The following UBAC2 variants were observed in gnomAD, a reference collection of about 807,000 sequenced individuals.
UBAC2 encodes ubiquitin-associated domain-containing protein 2.
A neutral mutation model predicts 44.0 loss-of-function variants in UBAC2; 26 were observed. The ratio of observed to expected loss-of-function variants is 0.59; its 90% CI spans 0.43 to 0.82. The LOEUF is 0.82. UBAC2 is among the 40% of genes least tolerant of loss of function. The pLI, the probability that UBAC2 is intolerant of heterozygous loss-of-function variation, is 0.00. For missense variants in UBAC2, 329 were observed against 419.4 expected (o/e 0.78, Z 1.88); for synonymous variants, 155 against 154.3 (o/e 1.00, Z -0.04).
chr13:99,294,122 T>C (rs778964878), intron 4 of UBAC2, among the ~76,000 whole-genome samples: 27 of 152,166 alleles, frequency 1.8e-4, no homozygotes, highest in Non-Finnish European at 3.2e-4. Context: ...GGATCGTATT[T>C]AGCAAGCAGC....
intron 4 of UBAC2, among the ~76,000 whole-genome samples, chr13:99,306,967 T>G (rs958781115): frequency 1.8e-4 from 28 of 152,206 alleles, no homozygotes; most frequent in Admixed American, 3.3e-4. Context: ...CATAGGAATA[T>G]TCTATATTAA....
At chr13:99,330,871 A>G (rs1032161789) in intron 6 of UBAC2, among the ~76,000 whole-genome samples, 2 of 152,166 alleles carry the variant, frequency 1.3e-5, no homozygotes, top group African/African-American at 4.8e-5. Flanking sequence ...AAATAAGCCC[A>G]TATTTTTATT....
chr13:99,300,309 T>G (rs958555119), intron 4 of UBAC2, among the ~76,000 whole-genome samples: 2 of 152,240 alleles, frequency 1.3e-5, no homozygotes, highest in African/African-American at 2.4e-5. Context: ...GGAAATGATC[T>G]TAGGTAAAGG....
At chr13:99,238,395 C>T in intron 1 of UBAC2, 32 bp from the exon 2 acceptor site, 1 of 1,606,138 alleles carries the variant, frequency 6.2e-7, no homozygotes, top group East Asian at 2.2e-5. Flanking sequence ...TAGGAACAAT[C>T]ATTCTGAAAG....
At chr13:99,358,939 T>C (rs567918338) in intron 7 of UBAC2, among the ~76,000 whole-genome samples, 3 of 152,194 alleles carry the variant, frequency 2.0e-5, no homozygotes, top group African/African-American at 4.8e-5. Context: ...TGAGACACAG[T>C]GTTTGGGTTG....
intron 6 of UBAC2, among the ~76,000 whole-genome samples, chr13:99,336,778 C>A (rs2044794467): frequency 6.6e-6 from 1 of 152,164 alleles, no homozygotes; most frequent in South Asian, 2.1e-4. Flanking sequence ...TGTCTTTTAA[C>A]TCTTAATTGT....
intron 4 of UBAC2, among the ~76,000 whole-genome samples, chr13:99,249,346 C>G (rs1286215090): frequency 1.3e-5 from 2 of 152,152 alleles, no homozygotes; most frequent in South Asian, 2.1e-4. Flanking sequence ...CCAGCTGCAT[C>G]CATGTTCCTG....
chr13:99,214,678 T>C (rs143499844), intron 1 of UBAC2, among the ~76,000 whole-genome samples: 20 of 152,270 alleles, frequency 1.3e-4, no homozygotes, highest in African/African-American at 4.1e-4. Flanking sequence ...CAAGCTCTCT[T>C]CTACTTTTTT....
rs2043329178 is a variant in UBAC2 at position 99,242,729 on chromosome 13, G to T, written c.160-1103G>T. On this transcript the variant is annotated intron_variant, in intron 2 of 8. Coordinates refer to ENST00000403766, the MANE Select transcript of UBAC2 (RefSeq NM_001144072.2). ...CCGACGGGGCGGCTGGCCTGGCCGGGGCTGACCCCCACCTCTCTCCCGGAC... is the reference window on the plus strand; with the variant it reads ...CCGACGGGGCGGCTGGCCTGGCCGGTGCTGACCCCCACCTCTCTCCCGGAC... Among the ~76,000 whole-genome samples, 5 of 140,948 alleles carry T rather than the reference G, an allele frequency of 3.5e-5. No homozygotes were observed. In the South Asian group the frequency reaches 1.2e-3, roughly 34 times the overall value. 92.5% of individuals were successfully genotyped at this position (140,948 alleles called of 152,430 possible).
At chr13:99,342,779 T>C (rs1314811432) in intron 7 of UBAC2, among the ~76,000 whole-genome samples, 1 of 151,820 alleles carries the variant, frequency 6.6e-6, no homozygotes, top group African/African-American at 2.4e-5. Context: ...ACCAACCAGG[T>C]GATCTGCCAT....
At chr13:99,347,094 A>T (rs886477156) in intron 7 of UBAC2, among the ~76,000 whole-genome samples, 2 of 150,030 alleles carry the variant, frequency 1.3e-5, no homozygotes, top group Admixed American at 6.7e-5. Context: ...CTTGGGCCAC[A>T]TGGTGAGACC....
chr13:99,340,385 G>C lies in UBAC2; in HGVS notation c.627G>C (p.Trp209Cys). The stretch of plus-strand genomic sequence containing the variant: ...ATCAGGTGCTCTGCATCCCCAGCTG[G>C]ATGGCAAAATTCTTTTCTTGGACAC... ...QVHQVLCIPS[W>C]MAKFFSWTLE... Residue 209 changes from tryptophan (W) to cysteine (C), a missense_variant, in exon 7 of 9, where the codon TGG (tryptophan) becomes TGC (cysteine). Trp to Cys is a radical substitution (Grantham distance 215, BLOSUM62 -2). Coordinates refer to ENST00000403766, the MANE Select transcript of UBAC2 (RefSeq NM_001144072.2). 2 of 1,614,192 alleles carry C rather than the reference G, an allele frequency of 1.2e-6. No homozygotes were observed. The highest frequency in any genetic ancestry group is 1.7e-6 in the Non-Finnish European group (2 of 1,180,026).
intron 7 of UBAC2, among the ~76,000 whole-genome samples, chr13:99,360,882 G>T: frequency 6.6e-6 from 1 of 152,124 alleles, no homozygotes; most frequent in East Asian, 1.9e-4. Flanking sequence ...AGGAGATGGG[G>T]CGCTCTTCGG....
At chr13:99,261,071 C>T (rs905004067) in intron 4 of UBAC2, among the ~76,000 whole-genome samples, 5 of 152,232 alleles carry the variant, frequency 3.3e-5, no homozygotes, top group African/African-American at 9.6e-5. Flanking sequence ...AGACATTTGT[C>T]TATGCCACAG....
chr13:99,289,676 T>A (rs1168172555), intron 4 of UBAC2, among the ~76,000 whole-genome samples: 1 of 152,208 alleles, frequency 6.6e-6, no homozygotes, highest in Admixed American at 6.5e-5. Flanking sequence ...TTAGCTTATG[T>A]TGCAGCCACG....
Position 99,303,004 on chromosome 13 carries a change from A to G in UBAC2, c.390-11093A>G, listed in dbSNP as rs1594106294. Among the ~76,000 whole-genome samples, 5 of 53,740 alleles carry G rather than the reference A, an allele frequency of 9.3e-5. No individual in the cohort carries two copies. The South Asian group carries it at 4.4e-3, about 47-fold the overall frequency. The allele number at this position is 53,740 out of a possible 152,430, so 35.3% of individuals were successfully genotyped here. A position where few individuals can be genotyped will look rare whatever the true frequency, so the allele number is the denominator to read the frequency against. On this transcript the variant is annotated intron_variant, in intron 4 of 8. Transcript: ENST00000403766. ...TGACTGTGGTCCGTCTGTTTGGGGG[A>G]CCTCCCCTGCCTCCTGGGGGCTTGC...
Position 99,314,084 on chromosome 13 carries a change from T to C in UBAC2, c.390-13T>C. Reference sequence around the variant, plus strand: ...TCACTATTATAGTGATTTTTTTTTATTTGTTTGCATAGCCTGGCACCTGTG... The same window carrying C: ...TCACTATTATAGTGATTTTTTTTTACTTGTTTGCATAGCCTGGCACCTGTG... On this transcript the variant is annotated splice_polypyrimidine_tract_variant and intron_variant, in intron 4 of 8. Coordinates refer to ENST00000403766, the MANE Select transcript of UBAC2 (RefSeq NM_001144072.2). 6.3e-7 allele frequency: 1 copy of C among 1,591,904 alleles called. No individual in the cohort carries two copies. Among genetic ancestry groups the C allele is most frequent in the Admixed American group, 1.8e-5 (1 of 54,198 alleles).
intron 2 of UBAC2, among the ~76,000 whole-genome samples, chr13:99,238,843 A>C (rs2043269265): frequency 6.6e-6 from 1 of 152,200 alleles, no homozygotes; most frequent in Admixed American, 6.5e-5. Context: ...ACAATGTTTA[A>C]TCTTTTTTTA....
chr13:99,367,154 T>A (rs894331169), intron 7 of UBAC2, among the ~76,000 whole-genome samples: 3 of 152,196 alleles, frequency 2.0e-5, no homozygotes, highest in East Asian at 1.9e-4. Flanking sequence ...TCAGGATCCG[T>A]GGAGCCACCC....
Sources: allele counts gnomAD v4.1 joint callset (sites outside exome capture counted in the v4.1 genomes callset), GRCh38; gene constraint gnomAD v4.1.1; transcripts MANE v1.5; gene names NCBI Gene and HGNC (gene_info 2026-07-23, HGNC 2026-07-21).